CCDC146: variants seen among roughly 807,000 people sequenced by gnomAD.
CCDC146 encodes the protein coiled-coil domain containing 146.
In CCDC146, 92 loss-of-function variants were observed where a neutral mutation model predicts 119.3. That is an observed-to-expected ratio of 0.77 (90% CI 0.65 to 0.92). The LOEUF (loss-of-function observed/expected upper bound fraction) is 0.92. Ranked by LOEUF, CCDC146 falls within the 40% of genes least tolerant of loss-of-function variation. The probability of loss-of-function intolerance (pLI) is 0.00; values close to 1 mark genes in which losing one functional copy is unlikely to be tolerated. For missense variants in CCDC146, 1,000 were observed against 1,103.0 expected, an observed-to-expected ratio of 0.91 and a Z score of 1.32; for synonymous variants, 372 against 371.8, an observed-to-expected ratio of 1.00 and a Z score of -0.01.
rs1794017652 is a variant in CCDC146, at chr7:77,294,974, G to T, written c.*108G>T. 1.2e-6 allele frequency: 1 copy of T among 862,556 alleles called. No individual in the cohort carries two copies. Among genetic ancestry groups the T allele is most frequent in the Admixed American group, 2.7e-5 (1 of 37,032 alleles). 53.4% of individuals were successfully genotyped at this position (862,556 alleles called of 1,614,324 possible). On this transcript the variant is annotated 3_prime_UTR_variant, in exon 19 of 19. Transcript: ENST00000285871. ...TACTTCTAATATTATTGATAAGTAA[G>T]GTAACCACAATTAGTCAGCAACAGA... is the stretch of plus-strand genomic sequence containing the variant.
At chr7:77,176,244 A>G (rs538872481) in intron 2 of CCDC146, among the ~76,000 whole-genome samples, 25 of 151,286 alleles carry the variant, frequency 1.7e-4, no homozygotes, top group Middle Eastern at 6.8e-3. Flanking sequence ...TCTCTTGTTA[A>G]TATCTCTTGA....
At chr7:77,203,525 T>C (rs1336412306) in intron 2 of CCDC146, among the ~76,000 whole-genome samples, 1 of 152,078 alleles carries the variant, frequency 6.6e-6, no homozygotes, top group Non-Finnish European at 1.5e-5. Context: ...AGGAGCGTCA[T>C]GAATACCAGG....
chr7:77,246,543 C>T (rs1332808708), intron 4 of CCDC146: 1 of 152,108 alleles, frequency 6.6e-6, no homozygotes, highest in Admixed American at 6.6e-5. Flanking sequence ...GGAGTTAATA[C>T]ATACCAGGAG....
chr7:77,269,797 A>T (rs975899424), intron 9 of CCDC146, among the ~76,000 whole-genome samples: 1 of 152,220 alleles, frequency 6.6e-6, no homozygotes, highest in Admixed American at 6.5e-5. Context: ...GTTTTGTTCT[A>T]GTACAGTTTC....
intron 16 of CCDC146, 70 bp downstream of exon 16, chr7:77,286,996 C>G (rs894986151): frequency 3.3e-6 from 5 of 1,530,182 alleles, no homozygotes; most frequent in African/African-American, 2.7e-5. Context: ...ACCTATGGTA[C>G]TGTTTCATGT....
At chr7:77,184,259 G>A (rs1023800300) in intron 2 of CCDC146, among the ~76,000 whole-genome samples, 3 of 152,054 alleles carry the variant, frequency 2.0e-5, no homozygotes, top group South Asian at 2.1e-4. Context: ...TTCCAACCCC[G>A]CTTCCTTCAG....
chr7:77,267,676 T>A (rs369366139), intron 9 of CCDC146, among the ~76,000 whole-genome samples: 15 of 152,222 alleles, frequency 9.9e-5, no homozygotes, highest in East Asian at 7.7e-4. Flanking sequence ...TATGAACATA[T>A]AAAGGCTATT....
chr7:77,129,474 A>G (rs1184890017), intron 1 of CCDC146, among the ~76,000 whole-genome samples: 1 of 152,098 alleles, frequency 6.6e-6, no homozygotes, highest in Non-Finnish European at 1.5e-5. Context: ...ATATGCTGAG[A>G]TTGCTAAGAT....
chr7:77,199,905 G>T, intron 2 of CCDC146: 1 of 1,325,880 alleles, frequency 7.5e-7, no homozygotes, highest in Non-Finnish European at 1.0e-6. Flanking sequence ...GGGAGCGTTT[G>T]CATCACAAGT....
At chr7:77,167,033 G>A (rs1180491806) in intron 1 of CCDC146, among the ~76,000 whole-genome samples, 1 of 152,156 alleles carries the variant, frequency 6.6e-6, no homozygotes, top group African/African-American at 2.4e-5. Flanking sequence ...ATTTGCAATT[G>A]TAATATTCTT....
chr7:77,204,962 T>A (rs1792056973), intron 2 of CCDC146, among the ~76,000 whole-genome samples: 1 of 152,114 alleles, frequency 6.6e-6, no homozygotes, highest in Non-Finnish European at 1.5e-5. Flanking sequence ...CTACAAAAAA[T>A]TTAAAAATTA....
chr7:77,226,861 A>T (rs1187323739), intron 2 of CCDC146, among the ~76,000 whole-genome samples: 1 of 152,198 alleles, frequency 6.6e-6, no homozygotes, highest in Non-Finnish European at 1.5e-5. Flanking sequence ...TATCTGCTAG[A>T]ACTTAGTGTG....
chr7:77,202,116 A>G (rs1039245264), intron 2 of CCDC146, among the ~76,000 whole-genome samples: 6 of 152,252 alleles, frequency 3.9e-5, no homozygotes, highest in Admixed American at 1.3e-4. Context: ...ACTTTCATTC[A>G]TTTATTCCTC....
At chr7:77,255,711 A>T (rs1308069800) in intron 5 of CCDC146, among the ~76,000 whole-genome samples, 2 of 152,180 alleles carry the variant, frequency 1.3e-5, no homozygotes, top group African/African-American at 2.4e-5. Context: ...TGAGTGTAAG[A>T]AGCCTTCTCT....
At chr7:77,177,734 A>G (rs1306206383) in intron 2 of CCDC146, among the ~76,000 whole-genome samples, 1 of 152,218 alleles carries the variant, frequency 6.6e-6, no homozygotes, top group Non-Finnish European at 1.5e-5. Flanking sequence ...GCTTTAAAAA[A>G]TGACTAAGTT....
intron 1 of CCDC146, among the ~76,000 whole-genome samples, chr7:77,156,570 T>TA (rs1452278248): frequency 4.6e-5 from 7 of 151,986 alleles, no homozygotes; most frequent in Admixed American, 3.9e-4. Flanking sequence ...CCCACAAAAA[T>TA]AAAAATAAAT....
intron 1 of CCDC146, among the ~76,000 whole-genome samples, chr7:77,158,716 C>T (rs948046489): frequency 1.3e-5 from 2 of 152,020 alleles, no homozygotes; most frequent in Non-Finnish European, 1.5e-5. Context: ...GACGGGGTTT[C>T]ACCATGTTGG....
intron 1 of CCDC146, among the ~76,000 whole-genome samples, chr7:77,158,506 G>C (rs1253291619): frequency 1.3e-5 from 2 of 151,854 alleles, no homozygotes; most frequent in Non-Finnish European, 2.9e-5. Context: ...ACTGTCTTTG[G>C]ATATTTATTG....
intron 17 of CCDC146, among the ~76,000 whole-genome samples, chr7:77,291,271 AAGAGT>A (rs1793937325): frequency 6.6e-6 from 1 of 152,188 alleles, no homozygotes; most frequent in African/African-American, 2.4e-5. Flanking sequence ...ATCAGACTAA[AAGAGT>A]CTACCATTTA....
Sources: allele counts gnomAD v4.1 joint callset (sites outside exome capture counted in the v4.1 genomes callset), GRCh38; gene constraint gnomAD v4.1.1; transcripts MANE v1.5; gene names NCBI Gene and HGNC (gene_info 2026-07-23, HGNC 2026-07-21).